The following LAIR1 variants were observed in gnomAD, a reference collection of about 807,000 sequenced individuals.
LAIR1 encodes the protein leukocyte-associated immunoglobulin-like receptor 1.
Under a neutral mutation model 32.8 loss-of-function variants are expected in LAIR1, and 24 were observed. The ratio of observed to expected loss-of-function variants is 0.73; its 90% confidence interval spans 0.53 to 1.03. The LOEUF (loss-of-function observed/expected upper bound fraction) is 1.03, where lower values mean the gene tolerates loss of function less well. LAIR1 is among the 50% of genes least tolerant of loss of function. The pLI, the probability that LAIR1 is intolerant of heterozygous loss-of-function variation, is 0.00. For synonymous variants in LAIR1, 150 were observed against 140.5 expected (o/e 1.07, Z -0.48); for missense variants, 355 against 347.5 (o/e 1.02, Z -0.17).
intron 8 of LAIR1, 85 bp downstream of exon 8, chr19:54,356,145 T>TC: frequency 7.1e-7 from 1 of 1,403,896 alleles, no homozygotes; most frequent in South Asian, 1.2e-5. Context: ...CAAAGATTCT[T>TC]CCCCCCACCC....
upstream of LAIR1, among the ~76,000 whole-genome samples, chr19:54,371,660 T>C (rs2082408426): frequency 6.6e-6 from 1 of 151,704 alleles, no homozygotes; most frequent in South Asian, 2.1e-4. Context: ...TCATCAAATA[T>C]AGAATGAGCA....
intron 4 of LAIR1, chr19:54,358,754 C>T (rs1038153608): frequency 5.6e-6 from 3 of 538,118 alleles, no homozygotes; most frequent in African/African-American, 4.0e-5. Context: ...ACCAGGACAG[C>T]TCTTCTATTG....
At position 54,355,143 on chromosome 19, in the gene LAIR1, G is replaced by C; in HGVS notation, c.*125C>G. 2.1e-6 allele frequency: 2 copies of C among 968,058 alleles called. No homozygotes were observed. Among genetic ancestry groups the C allele is most frequent in the Non-Finnish European group, 1.5e-6 (1 of 646,478 alleles). The allele number at this position is 968,058 out of a possible 1,614,324, so 60.0% of individuals were successfully genotyped here. A position where few individuals can be genotyped will look rare whatever the true frequency, so the allele number is the denominator to read the frequency against. On this transcript the variant is annotated 3_prime_UTR_variant, in exon 10 of 10. Coordinates refer to ENST00000391742, the MANE Select transcript of LAIR1 (RefSeq NM_002287.6). This position sits in a 1 kb window ranked among gnomAD's most constrained non-coding sequence, Gnocchi z 4.7. ...CTCCAGTCTCCAGCTCTTGTCTCCA[G>C]GACAGCTGCCTGGCTGGCTTTCTAG...
At position 54,355,624 on chromosome 19, in the gene LAIR1, G is replaced by A. The variant is rs2122322619; in HGVS notation, c.718-210C>T. ...GGAAGACTCCTGACTTCCAAGCTGA[G>A]CCAAAAGACATGGTGCTTCTGTCCC... On this transcript the variant is annotated intron_variant, in intron 9 of 9. Coordinates refer to ENST00000391742, the MANE Select transcript of LAIR1 (RefSeq NM_002287.6). This position sits in a 1 kb window ranked among gnomAD's most constrained non-coding sequence, Gnocchi z 4.7. Among the ~76,000 whole-genome samples, 1 of 152,318 alleles carries A rather than the reference G, an allele frequency of 6.6e-6. No individual in the cohort carries two copies. Among genetic ancestry groups the A allele is most frequent in the Middle Eastern group, 3.4e-3 (1 of 294 alleles).
At chr19:54,356,160 C>T (rs1455224146) in intron 8 of LAIR1, 70 bp downstream of exon 8, 31 of 1,436,282 alleles carry the variant, frequency 2.2e-5, no homozygotes, top group Non-Finnish European at 2.6e-5. Context: ...CCACCCCCCA[C>T]ATTGCATCTG....
Position 54,355,937 on chromosome 19 carries a change from C to T in LAIR1, c.717+17G>A. Reference sequence around the variant, plus strand: ...TGCTAAATTTGGGGTACTTTAATAACTAGTAGGAAGGCTCACCGAGGTGTC... The same window carrying T: ...TGCTAAATTTGGGGTACTTTAATAATTAGTAGGAAGGCTCACCGAGGTGTC... On this transcript the variant is annotated intron_variant, in intron 9 of 9. Transcript: ENST00000391742. The surrounding 1 kb of genome is among the most constrained non-coding windows in gnomAD (Gnocchi z 4.7). The T allele has an allele frequency of 6.4e-7, 1 of 1,552,810 alleles. No individual in the cohort carries two copies. The highest frequency in any genetic ancestry group is 8.9e-7 in the Non-Finnish European group (1 of 1,123,710).
In LAIR1 at chr19:54,355,265, G is replaced by A. The variant is rs192330346; in HGVS notation, c.*3C>T. 377 of 1,599,804 alleles carry A rather than the reference G, an allele frequency of 2.4e-4. No individual in the cohort carries two copies. The highest frequency in any genetic ancestry group is 2.8e-4 in the Non-Finnish European group (334 of 1,172,536). ...CAGGTGCAGAGGCCAGGTGGGTATG[G>A]GGTCAGTGTCTGGCAACGGCTGCAT... On this transcript the variant is annotated 3_prime_UTR_variant, in exon 10 of 10. Coordinates refer to ENST00000391742, the MANE Select transcript of LAIR1 (RefSeq NM_002287.6). The surrounding 1 kb of genome is among the most constrained non-coding windows in gnomAD (Gnocchi z 4.7).
chr19:54,363,584 G>A (rs1349306062), intron 2 of LAIR1, among the ~76,000 whole-genome samples: 1 of 152,200 alleles, frequency 6.6e-6, no homozygotes, highest in Non-Finnish European at 1.5e-5. Flanking sequence ...AGGAGAATGT[G>A]CTGTGTATAT....
chr19:54,370,348 G>C lies in LAIR1; in HGVS notation c.-71C>G, dbSNP rs527743158. On this transcript the variant is annotated 5_prime_UTR_variant, in exon 1 of 9. Coordinates refer to the LAIR1 transcript ENST00000391743. ...ATCATCTTCATAGGATTCCCGACCT[G>C]TGCCTGGCTTTGTCCTGAATATTAG... The C allele has an allele frequency of 8.6e-4, 1,167 of 1,356,150 alleles. 54 individuals are homozygous for C. The African/African-American group carries it at 0.016, about 19-fold the overall frequency. 84.0% of individuals were successfully genotyped at this position (1,356,150 alleles called of 1,614,324 possible).
chr19:54,369,130 CAA>C (rs769890440), upstream of LAIR1, among the ~76,000 whole-genome samples: 13 of 133,312 alleles, frequency 9.8e-5, no homozygotes, highest in Admixed American at 1.5e-4. Flanking sequence ...GCACATCCGC[CAA>C]AAAAAAAAAA....
In LAIR1 at chr19:54,364,520, T is replaced by C; in HGVS notation, c.35-190A>G. 1.2e-6 allele frequency: 1 copy of C among 809,536 alleles called. No individual in the cohort carries two copies. The highest frequency in any genetic ancestry group is 2.1e-6 in the Non-Finnish European group (1 of 468,792). 50.1% of individuals were successfully genotyped at this position (809,536 alleles called of 1,614,324 possible). A position where few individuals can be genotyped will look rare whatever the true frequency, so the allele number is the denominator to read the frequency against. On this transcript the variant is annotated intron_variant, in intron 1 of 9. Transcript: ENST00000391742. This position sits in a 1 kb window ranked among gnomAD's most constrained non-coding sequence, Gnocchi z 4.8. ...TGGTTTCAAGATAAATCCCAAAGTC[T>C]CCTCCTCCAAAAAGGCTCCTGCTCC...
intron 2 of LAIR1, among the ~76,000 whole-genome samples, chr19:54,363,983 T>G (rs1490296005): frequency 6.6e-6 from 1 of 152,218 alleles, no homozygotes; most frequent in East Asian, 1.9e-4. Context: ...GCTGATATGT[T>G]AATCAGCTTT....
At chr19:54,375,520 GCC>G (rs1019152652), upstream of LAIR1, among the ~76,000 whole-genome samples, 8 of 152,290 alleles carry the variant, frequency 5.3e-5, no homozygotes, top group African/African-American at 1.9e-4. Flanking sequence ...TCATCCATAC[GCC>G]CGGCCCGAAC....
rs371062798 is a variant in LAIR1 at position 54,361,582 on chromosome 19, G to A, written c.71-373C>T. Among the ~76,000 whole-genome samples, 9 of 149,496 alleles carry A rather than the reference G, an allele frequency of 6.0e-5. No individual in the cohort carries two copies. In the South Asian group the frequency reaches 8.6e-4, roughly 14 times the overall value. On this transcript the variant is annotated intron_variant, in intron 2 of 9. Transcript: ENST00000391742. Reference sequence around the variant, plus strand: ...CAGGATGGGGATGACAGGGTCATTGGTGAAGGACAAGGGACAGAGAAGCGA... The same window carrying A: ...CAGGATGGGGATGACAGGGTCATTGATGAAGGACAAGGGACAGAGAAGCGA...
At position 54,355,449 on chromosome 19, in the gene LAIR1, G is replaced by A; in HGVS notation, c.718-35C>T. 4 of 1,559,204 alleles carry A rather than the reference G, an allele frequency of 2.6e-6. No homozygotes were observed. The highest frequency in any genetic ancestry group is 3.5e-6 in the Non-Finnish European group (4 of 1,153,138). ...AGAGACCCAGGGTGAGGGAGTGCCTGGTGGAGGGTGAGACGAGGGGCTGTG... is the reference window on the plus strand; with the variant it reads ...AGAGACCCAGGGTGAGGGAGTGCCTAGTGGAGGGTGAGACGAGGGGCTGTG... On this transcript the variant is annotated intron_variant, in intron 9 of 9. Transcript: ENST00000391742. The surrounding 1 kb of genome is among the most constrained non-coding windows in gnomAD (Gnocchi z 4.7).
chr19:54,367,250 T>C (rs1005572821), upstream of LAIR1, among the ~76,000 whole-genome samples: 3 of 152,202 alleles, frequency 2.0e-5, no homozygotes, highest in Admixed American at 1.3e-4. Context: ...TCCTGAGACG[T>C]GGTGACAGTA....
the LAIR1 span, among the ~76,000 whole-genome samples, chr19:54,375,794 C>T: frequency 0.037 from 5,614 of 151,896 alleles, 347 homozygotes; most frequent in East Asian, 0.25. Context: ...AGAGACGAGC[C>T]ACACAAGTCA....
chr19:54,367,756 T>C (rs897259065), upstream of LAIR1, among the ~76,000 whole-genome samples: 3 of 139,298 alleles, frequency 2.2e-5, no homozygotes, highest in Non-Finnish European at 4.5e-5. Flanking sequence ...AAAAAATATA[T>C]ATTTTTTTTA....
At chr19:54,356,666 A>G in intron 5 of LAIR1, 47 bp from the exon 6 acceptor site, 1 of 1,583,882 alleles carries the variant, frequency 6.3e-7, no homozygotes, top group Non-Finnish European at 8.7e-7. Context: ...TTTATTGAGC[A>G]CCTACTGTAT....
Sources: allele counts gnomAD v4.1 joint callset (sites outside exome capture counted in the v4.1 genomes callset), GRCh38; gene constraint gnomAD v4.1.1; non-coding constraint Gnocchi (gnomAD v3.1); transcripts MANE v1.5; gene names NCBI Gene and HGNC (gene_info 2026-07-23, HGNC 2026-07-21).